The following CAST variants were observed in gnomAD, a reference collection of about 807,000 sequenced individuals.
CAST encodes MIR583 host.
CAST carries 76 observed loss-of-function variants against 119.6 expected under a neutral mutation model. That is an observed-to-expected ratio of 0.64 (90% CI 0.53 to 0.77). CAST has a LOEUF of 0.77. Ranked by LOEUF, CAST falls within the 30% of genes least tolerant of loss-of-function variation. CAST has a pLI of 0.00. For missense variants in CAST, 953 were observed against 946.5 expected (o/e 1.01, Z -0.09); for synonymous variants, 319 against 331.6 (o/e 0.96, Z 0.41).
chr5:96,199,533 AT>A, the CAST span, among the ~76,000 whole-genome samples: 1 of 152,046 alleles, frequency 6.6e-6, no homozygotes, highest in Non-Finnish European at 1.5e-5. Context: ...TGATGTACCT[AT>A]TTTTTTGGTC....
At chr5:96,221,028 A>C in the CAST span, among the ~76,000 whole-genome samples, 1 of 152,164 alleles carries the variant, frequency 6.6e-6, no homozygotes, top group Admixed American at 6.6e-5. Flanking sequence ...AATTTAACAG[A>C]GTTTAGGTCA....
the CAST span, among the ~76,000 whole-genome samples, chr5:96,258,836 C>T: frequency 6.6e-6 from 1 of 152,160 alleles, no homozygotes. Flanking sequence ...CACTATACAC[C>T]ATGGCCACAT....
chr5:96,304,466 T>G, the CAST span, among the ~76,000 whole-genome samples: 1 of 152,380 alleles, frequency 6.6e-6, no homozygotes, highest in Non-Finnish European at 1.5e-5. Flanking sequence ...AGATCCCATT[T>G]GTCAATTTTG....
chr5:96,046,510 A>G, the CAST span, among the ~76,000 whole-genome samples: 1 of 152,140 alleles, frequency 6.6e-6, no homozygotes, highest in African/African-American at 2.4e-5. Context: ...ATTACATCAA[A>G]TCTTCACTCC....
chr5:96,100,690 A>G, the CAST span, among the ~76,000 whole-genome samples: 1 of 152,132 alleles, frequency 6.6e-6, no homozygotes, highest in Non-Finnish European at 1.5e-5. Flanking sequence ...CTGTAAGGCA[A>G]AGAAGTATAG....
chr5:96,527,544 A>C (rs1033211498), upstream of CAST, among the ~76,000 whole-genome samples: 9 of 152,168 alleles, frequency 5.9e-5, no homozygotes, highest in African/African-American at 1.9e-4. Context: ...TTTTGTGAGC[A>C]GTTCTGACTC....
chr5:96,425,032 G>GAAAT, the CAST span, among the ~76,000 whole-genome samples: 1 of 98,276 alleles, frequency 1.0e-5, no homozygotes, highest in African/African-American at 3.7e-5. Context: ...AAGAAAGAAA[G>GAAAT]AAAGAAAGAA....
chr5:96,559,386 G>T (rs1448478591), intron 1 of CAST, among the ~76,000 whole-genome samples: 1 of 152,128 alleles, frequency 6.6e-6, no homozygotes, highest in Non-Finnish European at 1.5e-5. Flanking sequence ...GGAAATAAGG[G>T]GTATTCAGTT....
At chr5:96,468,115 A>T in the CAST span, among the ~76,000 whole-genome samples, 1 of 152,054 alleles carries the variant, frequency 6.6e-6, no homozygotes. Flanking sequence ...TGGCTAAGTG[A>T]AGTAACTCAA....
chr5:96,192,768 TAAG>T, the CAST span, among the ~76,000 whole-genome samples: 3 of 152,246 alleles, frequency 2.0e-5, no homozygotes, highest in East Asian at 5.8e-4. Flanking sequence ...ACAAAACCCT[TAAG>T]AACCACTGTG....
chr5:96,762,416 C>G lies in CAST; in HGVS notation c.1932+44C>G, dbSNP rs774239750. The stretch of plus-strand genomic sequence containing the variant: ...TTGGGAGATAAATGTTTTTGCGCAG[C>G]CACAACTAGAAAGAAAATAGGGCGC... On this transcript the variant is annotated intron_variant, in intron 25 of 31. Coordinates refer to ENST00000675179, the MANE Select transcript of CAST (RefSeq NM_001750.7). 4.3e-6 allele frequency: 6 copies of G among 1,394,756 alleles called. No homozygotes were observed. In the African/African-American group the frequency reaches 8.8e-5, roughly 20 times the overall value. 86.4% of individuals were successfully genotyped at this position (1,394,756 alleles called of 1,614,324 possible). A position where few individuals can be genotyped will look rare whatever the true frequency, so the allele number is the denominator to read the frequency against.
At chr5:96,710,341 C>T (rs530639039) in intron 3 of CAST, among the ~76,000 whole-genome samples, 4 of 152,236 alleles carry the variant, frequency 2.6e-5, no homozygotes, top group African/African-American at 9.6e-5. Flanking sequence ...TTCAATGAGC[C>T]ACTACAAAGC....
At chr5:96,044,734 G>A in the CAST span, among the ~76,000 whole-genome samples, 1 of 152,040 alleles carries the variant, frequency 6.6e-6, no homozygotes. Flanking sequence ...CTACAAAATG[G>A]ATAAATAAAT....
intron 1 of CAST, among the ~76,000 whole-genome samples, chr5:96,550,820 A>T (rs1400407904): frequency 6.6e-6 from 1 of 152,240 alleles, no homozygotes; most frequent in Non-Finnish European, 1.5e-5. Context: ...GATATCAGTG[A>T]TTGAATATCA....
chr5:96,368,747 AT>A, the CAST span, among the ~76,000 whole-genome samples: 2 of 152,054 alleles, frequency 1.3e-5, no homozygotes, highest in Non-Finnish European at 2.9e-5. Context: ...GCTCCTTCAT[AT>A]TGAGAGAATA....
chr5:96,154,232 A>C, the CAST span, among the ~76,000 whole-genome samples: 1 of 151,736 alleles, frequency 6.6e-6, no homozygotes, highest in African/African-American at 2.4e-5. Flanking sequence ...GAGCCAAGAT[A>C]GCGCCACTGC....
chr5:96,458,024 T>C, the CAST span, among the ~76,000 whole-genome samples: 3,917 of 152,314 alleles, frequency 0.026, 195 homozygotes, highest in African/African-American at 0.09. Context: ...TCTGACTTCA[T>C]GGGTTAACAG....
chr5:96,253,635 A>T, the CAST span, among the ~76,000 whole-genome samples: 181 of 152,226 alleles, frequency 1.2e-3, no homozygotes, highest in African/African-American at 4.3e-3. Context: ...TTGCACAACT[A>T]CATAGTGCCT....
chr5:96,513,889 T>C, the CAST span, among the ~76,000 whole-genome samples: 1 of 152,340 alleles, frequency 6.6e-6, no homozygotes, highest in South Asian at 2.1e-4. Context: ...TCTCTAGGAC[T>C]GTGGATAGAA....
Sources: gnomAD v4.1 joint callset for allele counts (sites outside exome capture counted in the v4.1 genomes callset) on GRCh38, gnomAD v4.1.1 for gene constraint, MANE v1.5 for transcripts, NCBI Gene and HGNC (gene_info 2026-07-23, HGNC 2026-07-21) for gene names.